The following RMST variants were observed in gnomAD, a reference collection of about 807,000 sequenced individuals.
The protein encoded by RMST is long intergenic non-protein coding RNA 54.
At chr12:97,512,857 C>T (rs745769425) in intron 10 of RMST, among the ~76,000 whole-genome samples, 11 of 151,938 alleles carry the variant, frequency 7.2e-5, no homozygotes, top group Non-Finnish European at 1.5e-4. Flanking sequence ...GGGGAGGCTC[C>T]GGGCTGCACA....
intron 11 of RMST, among the ~76,000 whole-genome samples, chr12:97,554,868 C>T (rs1357684525): frequency 6.6e-6 from 1 of 152,080 alleles, no homozygotes; most frequent in Non-Finnish European, 1.5e-5. Flanking sequence ...AAATACCTTG[C>T]TAGTTGAAAA....
At chr12:97,476,687 T>C (rs2136405444) in intron 5 of RMST, among the ~76,000 whole-genome samples, 1 of 152,318 alleles carries the variant, frequency 6.6e-6, no homozygotes, top group Non-Finnish European at 1.5e-5. Context: ...ACTTTCTATT[T>C]TATTATCACC....
chr12:97,499,636 TTTTCTTTTTCTTTTTTCTTTC>T (rs1341054546), intron 10 of RMST, among the ~76,000 whole-genome samples: 1,658 of 150,228 alleles, frequency 0.011, 17 homozygotes, highest in African/African-American at 0.038. Flanking sequence ...TTTTTTTTCT[TTTTCTTTTTCTTTTTTCTTTC>T]TTTTTTTTTT....
chr12:97,531,179 T>C (rs781032194), intron 11 of RMST, among the ~76,000 whole-genome samples: 1 of 151,954 alleles, frequency 6.6e-6, no homozygotes, highest in Non-Finnish European at 1.5e-5. Context: ...TTGTGTAGCG[T>C]TGGATTTATT....
At chr12:97,470,037 A>G (rs749162040) in intron 5 of RMST, among the ~76,000 whole-genome samples, 9 of 151,984 alleles carry the variant, frequency 5.9e-5, no homozygotes, top group Non-Finnish European at 1.0e-4. Flanking sequence ...TTTGTCTTGC[A>G]TTTTCTCTGT....
chr12:97,463,048 T>TCTCTCTCTCTC (rs1421211751), intron 3 of RMST: 5 of 136,828 alleles, frequency 3.7e-5, no homozygotes, highest in African/African-American at 5.3e-5. Context: ...TCTCTCTCTC[T>TCTCTCTCTCTC]CTCTCTCTCT....
At chr12:97,563,528 T>A in intron 13 of RMST, 1 of 308,016 alleles carries the variant, frequency 3.2e-6, no homozygotes, top group Non-Finnish European at 6.3e-6. Context: ...AAGTTCAATG[T>A]CAAAGTGATG....
chr12:97,509,634 C>T (rs1193943943), intron 10 of RMST, among the ~76,000 whole-genome samples: 1 of 152,152 alleles, frequency 6.6e-6, no homozygotes, highest in Non-Finnish European at 1.5e-5. Flanking sequence ...TTCTCCTCCC[C>T]TCTCATACTG....
At chr12:97,484,329 C>G (rs1395032897) in intron 5 of RMST, among the ~76,000 whole-genome samples, 1 of 152,154 alleles carries the variant, frequency 6.6e-6, no homozygotes, top group African/African-American at 2.4e-5. Context: ...GAAGTGGATA[C>G]CATTCTGACA....
At chr12:97,524,791 T>A (rs1849005454) in intron 10 of RMST, among the ~76,000 whole-genome samples, 1 of 152,218 alleles carries the variant, frequency 6.6e-6, no homozygotes, top group African/African-American at 2.4e-5. Context: ...AGGAAGAAAC[T>A]ATGACACTTG....
At chr12:97,529,747 C>A (rs148684441) in intron 10 of RMST, among the ~76,000 whole-genome samples, 1 of 152,004 alleles carries the variant, frequency 6.6e-6, no homozygotes, top group East Asian at 1.9e-4. Context: ...AATGCTTCTA[C>A]GCATTACCTA....
intron 9 of RMST, among the ~76,000 whole-genome samples, chr12:97,495,173 T>A (rs1877252188): frequency 1.6e-5 from 1 of 60,988 alleles, no homozygotes. Context: ...ATCATTATTC[T>A]TATGGGGGGG....
chr12:97,463,029 C>CTCTCTCTCTCTCTCTCTCTT (rs1872753058), intron 3 of RMST: 3 of 97,910 alleles, frequency 3.1e-5, no homozygotes, highest in Admixed American at 2.9e-4. Context: ...CTCTCTCTCT[C>CTCTCTCTCTCTCTCTCTCTT]TCTCTCTCTC....
At chr12:97,515,766 T>TA (rs1879861667) in intron 10 of RMST, among the ~76,000 whole-genome samples, 1 of 152,016 alleles carries the variant, frequency 6.6e-6, no homozygotes, top group African/African-American at 2.4e-5. Context: ...GGGGTAAGAA[T>TA]AAAAAAATGA....
At chr12:97,522,541 T>C (rs536563238) in intron 10 of RMST, among the ~76,000 whole-genome samples, 11 of 152,234 alleles carry the variant, frequency 7.2e-5, no homozygotes, top group Admixed American at 5.9e-4. Context: ...CCTATACCTA[T>C]AAAATTTCAG....
chr12:97,482,829 T>A (rs1011987136), intron 5 of RMST, among the ~76,000 whole-genome samples: 5 of 146,976 alleles, frequency 3.4e-5, no homozygotes, highest in Admixed American at 6.8e-5. Context: ...TATTTATTTA[T>A]TAAATAAATT....
chr12:97,482,095 G>A (rs1448321072), intron 5 of RMST, among the ~76,000 whole-genome samples: 2 of 152,032 alleles, frequency 1.3e-5, no homozygotes, highest in Non-Finnish European at 2.9e-5. Context: ...ATGCCTTAAG[G>A]AATCCCTTTG....
chr12:97,510,364 T>C (rs1203387421), intron 10 of RMST, among the ~76,000 whole-genome samples: 7 of 152,232 alleles, frequency 4.6e-5, no homozygotes, highest in Non-Finnish European at 1.5e-5. Context: ...TTTTCATTGT[T>C]AGATCTAATA....
intron 5 of RMST, among the ~76,000 whole-genome samples, chr12:97,478,426 G>A (rs545980905): frequency 2.6e-5 from 4 of 152,284 alleles, no homozygotes; most frequent in African/African-American, 7.2e-5. Flanking sequence ...TTTCATTGTC[G>A]TAAGGAAGGC....
Sources: gnomAD v4.1 joint callset for allele counts (sites outside exome capture counted in the v4.1 genomes callset) on GRCh38, gnomAD v4.1.1 for gene constraint, MANE v1.5 for transcripts, NCBI Gene and HGNC (gene_info 2026-07-23, HGNC 2026-07-21) for gene names.